SHLD2: variants seen among roughly 807,000 people sequenced by gnomAD.
SHLD2 encodes the protein RINN1-REV7-interacting novel NHEJ regulator 2.
Under a neutral mutation model 73.2 loss-of-function variants are expected in SHLD2, and 30 were observed. The observed-to-expected ratio is 0.41, with a 90% CI of 0.31 to 0.56. SHLD2 has a LOEUF of 0.56. SHLD2 is among the 20% of genes least tolerant of loss of function. The probability of loss-of-function intolerance (pLI) is 0.28; values close to 1 mark genes in which losing one functional copy is unlikely to be tolerated. For missense variants in SHLD2, 745 were observed against 1,055.9 expected (o/e 0.71, Z 4.08); for synonymous variants, 285 against 370.1 (o/e 0.77, Z 2.64).
At chr10:87,135,343 A>T (rs1819860516) in intron 2 of SHLD2, among the ~76,000 whole-genome samples, 1 of 152,006 alleles carries the variant, frequency 6.6e-6, no homozygotes, top group Admixed American at 6.6e-5. Flanking sequence ...TGAGCTTCTC[A>T]TCTCTTGTTT....
chr10:87,123,770 C>T lies in SHLD2; in HGVS notation c.-6+26781C>T, dbSNP rs1843792349. 2.0e-5 allele frequency among the ~76,000 whole-genome samples: 3 copies of T among 152,152 alleles called. No homozygotes were observed. In the South Asian group the frequency reaches 6.2e-4, roughly 31 times the overall value. On this transcript the variant is annotated intron_variant, in intron 2 of 9. Coordinates refer to ENST00000298786, the MANE Select transcript of SHLD2 (RefSeq NM_001330112.2). ...CCTCGCAGTAGTGAGTGAGTTCTCACGATCTCCTTACTCCATCCACCTGCT... is the reference window on the plus strand; with the variant it reads ...CCTCGCAGTAGTGAGTGAGTTCTCATGATCTCCTTACTCCATCCACCTGCT...
intron 2 of SHLD2, 49 bp downstream of exon 2, chr10:87,097,038 A>G (rs958346655): frequency 6.6e-6 from 1 of 152,282 alleles, no homozygotes; most frequent in Admixed American, 6.5e-5. Context: ...ACTCTCTTAC[A>G]TTGCAATCCC....
chr10:87,159,772 C>T (rs1024837418), intron 4 of SHLD2, among the ~76,000 whole-genome samples: 2 of 152,104 alleles, frequency 1.3e-5, no homozygotes, highest in African/African-American at 4.8e-5. Context: ...GTTTAAGTAA[C>T]TAGGTAGCCT....
intron 2 of SHLD2, among the ~76,000 whole-genome samples, chr10:87,136,699 A>G (rs969011374): frequency 6.6e-6 from 1 of 151,918 alleles, no homozygotes; most frequent in Non-Finnish European, 1.5e-5. Context: ...TCCTGCTCCA[A>G]TAGTGAGAAA....
At chr10:87,135,470 G>A (rs1434759895) in intron 2 of SHLD2, among the ~76,000 whole-genome samples, 3 of 151,914 alleles carry the variant, frequency 2.0e-5, no homozygotes, top group Non-Finnish European at 4.4e-5. Context: ...TTTTTGGGAC[G>A]AAGAACATGC....
chr10:87,160,449 T>C (rs1234189994), intron 4 of SHLD2, among the ~76,000 whole-genome samples: 1 of 152,324 alleles, frequency 6.6e-6, no homozygotes, highest in African/African-American at 2.4e-5. Flanking sequence ...CACTTCAGCC[T>C]GGGTGACCGG....
intron 2 of SHLD2, among the ~76,000 whole-genome samples, chr10:87,098,705 C>G (rs190355411): frequency 6.6e-6 from 1 of 152,230 alleles, no homozygotes; most frequent in East Asian, 1.9e-4. Flanking sequence ...GATATAAAGT[C>G]TAATGAATTT....
intron 4 of SHLD2, among the ~76,000 whole-genome samples, chr10:87,169,330 G>C (rs1281603818): frequency 6.6e-6 from 1 of 152,196 alleles, no homozygotes; most frequent in East Asian, 1.9e-4. Flanking sequence ...AGTATTACGT[G>C]TGGTTTTAAT....
intron 6 of SHLD2, among the ~76,000 whole-genome samples, chr10:87,172,121 AT>A (rs1432563488): frequency 6.6e-5 from 10 of 152,224 alleles, no homozygotes; most frequent in Admixed American, 6.5e-4. Flanking sequence ...GAATCCAGGA[AT>A]TAAGATGTTG....
At chr10:87,103,218 A>AT (rs1461158706) in intron 2 of SHLD2, among the ~76,000 whole-genome samples, 3 of 151,844 alleles carry the variant, frequency 2.0e-5, no homozygotes, top group Admixed American at 6.6e-5. Flanking sequence ...CAAAAAAAAA[A>AT]TTTTTTTTAA....
chr10:87,152,009 G>A lies in SHLD2; in HGVS notation c.655G>A (p.Val219Ile), dbSNP rs1217032761. ...QCLGLFSSNAVDKSRSEAAVR... is the reference protein window; with the variant it reads ...QCLGLFSSNAIDKSRSEAAVR... ...TTTGGGATTATTTTCCTCGAACGCA[G>A]TAGATAAGTCAAGGTCTGAAGCAGC... Residue 219 changes from valine to isoleucine, a missense_variant, in exon 3 of 10, where the codon GTA (valine) becomes ATA (isoleucine). Physicochemically the swap from Val to Ile is conservative, Grantham distance 29. Transcript: ENST00000298786. The A allele has an allele frequency of 6.2e-7, 1 of 1,611,966 alleles. No individual in the cohort carries two copies. Among genetic ancestry groups the A allele is most frequent in the Admixed American group, 1.7e-5 (1 of 60,008 alleles).
intron 6 of SHLD2, among the ~76,000 whole-genome samples, 197 bp downstream of exon 6, chr10:87,171,171 T>C (rs1243281034): frequency 1.3e-5 from 2 of 152,166 alleles, no homozygotes; most frequent in African/African-American, 4.8e-5. Context: ...TAAGTCTTCA[T>C]TAATTAATGG....
intron 2 of SHLD2, among the ~76,000 whole-genome samples, chr10:87,137,783 C>A (rs1359248156): frequency 2.0e-5 from 3 of 152,090 alleles, no homozygotes; most frequent in African/African-American, 7.2e-5. Flanking sequence ...ATAGGCATAT[C>A]ATAATCAAAC....
At chr10:87,167,167 T>G (rs544290198) in intron 4 of SHLD2, among the ~76,000 whole-genome samples, 2 of 152,260 alleles carry the variant, frequency 1.3e-5, no homozygotes, top group East Asian at 3.9e-4. Flanking sequence ...AATAGTTCAG[T>G]AATTTCATAA....
chr10:87,188,292 C>A (rs1284597269), intron 9 of SHLD2, among the ~76,000 whole-genome samples: 1 of 152,120 alleles, frequency 6.6e-6, no homozygotes, highest in African/African-American at 2.4e-5. Context: ...CAGTAGGGGA[C>A]CACTAATGGT....
chr10:87,130,717 A>T (rs1213858883), intron 2 of SHLD2, among the ~76,000 whole-genome samples: 1 of 152,112 alleles, frequency 6.6e-6, no homozygotes, highest in Non-Finnish European at 1.5e-5. Flanking sequence ...TGGATCTGCT[A>T]TGTCAGTTAC....
rs763971624 is a variant in SHLD2 at position 87,152,189 on chromosome 10, A to G, written c.835A>G (p.Ser279Gly). The change falls in exon 3 of 10, where the codon AGT becomes GGT. Residue 279 changes from serine (S) to glycine (G), a missense_variant. Physicochemically the swap from Ser to Gly is moderately conservative, Grantham distance 56. Coordinates refer to ENST00000298786, the MANE Select transcript of SHLD2 (RefSeq NM_001330112.2). ...AAACATGGAGACTGAACCAAAGGCA[A>G]GTTACGGGGAGATAAGAATACCTGA... The part of the protein sequence containing the change: ...NVNMETEPKA[S>G]YGEIRIPEEN... 141 of 1,593,384 alleles carry G rather than the reference A, an allele frequency of 8.8e-5. No individual in the cohort carries two copies. Among genetic ancestry groups the G allele is most frequent in the Non-Finnish European group, 1.2e-4 (136 of 1,167,118 alleles).
At chr10:87,141,724 G>T (rs1442255688) in intron 2 of SHLD2, among the ~76,000 whole-genome samples, 1 of 152,080 alleles carries the variant, frequency 6.6e-6, no homozygotes, top group African/African-American at 2.4e-5. Flanking sequence ...ATGCAACATG[G>T]ATATGTATCA....
intron 2 of SHLD2, among the ~76,000 whole-genome samples, chr10:87,109,093 C>A (rs967008842): frequency 6.6e-6 from 1 of 152,096 alleles, no homozygotes; most frequent in Non-Finnish European, 1.5e-5. Flanking sequence ...TGCTTGGGAC[C>A]CTAATAAAGC....
Sources: gnomAD v4.1 joint callset for allele counts (sites outside exome capture counted in the v4.1 genomes callset) on GRCh38, gnomAD v4.1.1 for gene constraint, MANE v1.5 for transcripts, NCBI Gene and HGNC (gene_info 2026-07-23, HGNC 2026-07-21) for gene names.